The following EMILIN2 variants were observed in gnomAD, a reference collection of about 807,000 sequenced individuals.
EMILIN2 encodes elastin microfibril interfacer 2.
EMILIN2 carries 71 observed loss-of-function variants against 87.1 expected under a neutral mutation model. That is an observed-to-expected ratio of 0.82 (90% CI 0.67 to 0.99). EMILIN2 has a LOEUF of 0.99. Among genes scored for constraint, EMILIN2 ranks in the 50% least tolerant of loss-of-function variants. EMILIN2 has a pLI of 0.00. For synonymous variants in EMILIN2, 581 were observed against 563.4 expected (o/e 1.03, Z -0.44); for missense variants, 1,407 against 1,371.8 (o/e 1.03, Z -0.40).
Position 2,907,006 on chromosome 18 carries a change from G to T in EMILIN2, c.2583G>T (p.Gly861=). The T allele has an allele frequency of 7.4e-7, 1 of 1,354,830 alleles. No individual in the cohort carries two copies. Among genetic ancestry groups the T allele is most frequent in the Non-Finnish European group, 9.5e-7 (1 of 1,054,072 alleles). The allele number at this position is 1,354,830 out of a possible 1,614,324, so 83.9% of individuals were successfully genotyped here. The part of the protein sequence containing the change: ...AGPPAGAGVS[G]RGLPRGVDGQ... ...CCCCCGCAGGCGCAGGCGTGTCTGG[G>T]CGGGGTCTGCCGCGGGGCGTGGACG... Residue 861 remains glycine, a synonymous_variant, in exon 5 of 8, where the codon GGG becomes GGT. Coordinates refer to ENST00000254528, the MANE Select transcript of EMILIN2 (RefSeq NM_032048.3).
rs1370391687 is a variant in EMILIN2, at chr18:2,915,885, G to GA, written c.*2483dup. ...AAGGTCAGGACACTTCTTAAGTAGA[G>GA]AAGGACTGTGACATCCCCTCCAAAC... On this transcript the variant is annotated 3_prime_UTR_variant, in exon 8 of 8. Transcript: ENST00000254528. 6.6e-6 allele frequency: 1 copy of GA among 152,204 alleles called. No homozygotes were observed. Among genetic ancestry groups the GA allele is most frequent in the African/African-American group, 2.4e-5 (1 of 41,438 alleles). 9.4% of individuals were successfully genotyped at this position (152,204 alleles called of 1,614,324 possible).
chr18:2,913,075 A>T lies in EMILIN2; in HGVS notation c.2833A>T (p.Thr945Ser), dbSNP rs755756065. 8.7e-6 allele frequency: 14 copies of T among 1,609,292 alleles called. No homozygotes were observed. Among genetic ancestry groups the T allele is most frequent in the Non-Finnish European group, 1.2e-5 (14 of 1,179,956 alleles). The change falls in exon 8 of 8, where the codon ACG becomes TCG. Residue 945 changes from threonine to serine, a missense_variant. Physicochemically the swap from Thr to Ser is moderately conservative, Grantham distance 58. Transcript: ENST00000254528. ...TGCCTTTCTCCCCGCAGGGGTCTTC[A>T]CGGCTCCTTATGATGGGCGCTACCT... ...DVYNPSTGVF[T>S]APYDGRYLIT...
At chr18:2,854,661 C>A (rs1014091217) in intron 2 of EMILIN2, among the ~76,000 whole-genome samples, 4 of 152,176 alleles carry the variant, frequency 2.6e-5, no homozygotes, top group African/African-American at 7.2e-5. Flanking sequence ...GGGTATGGTG[C>A]TACGTGCCTG....
At position 2,891,586 on chromosome 18, in the gene EMILIN2, A is replaced by G. The variant is rs747464530; in HGVS notation, c.1459A>G (p.Lys487Glu). 1 of 1,613,934 alleles carries G rather than the reference A, an allele frequency of 6.2e-7. No individual in the cohort carries two copies. The highest frequency in any genetic ancestry group is 1.3e-5 in the African/African-American group (1 of 74,920). ...CATTAATGGAGAGGTGGGTGACTTG[A>G]AGCAGCTTGTTGATCAGAAAATACA... ...GAINGEVGDL[K>E]QLVDQKIQSL... The change falls in exon 4 of 8, where the codon AAG (lysine) becomes GAG (glutamate). Residue 487 changes from lysine (K) to glutamate (E), a missense_variant. Physicochemically the swap from Lys to Glu is moderately conservative, Grantham distance 56 (BLOSUM62 1). Transcript: ENST00000254528. The surrounding 1 kb of genome is among the most constrained non-coding windows in gnomAD (Gnocchi z 4.6).
At chr18:2,896,928 A>G (rs2076866619) in intron 4 of EMILIN2, among the ~76,000 whole-genome samples, 1 of 151,470 alleles carries the variant, frequency 6.6e-6, no homozygotes, top group African/African-American at 2.4e-5. Flanking sequence ...CTTGAGCCCA[A>G]GAGTTCGAGA....
In EMILIN2 at chr18:2,890,538, G is replaced by C; in HGVS notation, c.434-23G>C. On this transcript the variant is annotated intron_variant, in intron 3 of 7. Coordinates refer to ENST00000254528, the MANE Select transcript of EMILIN2 (RefSeq NM_032048.3). This position sits in a 1 kb window ranked among gnomAD's most constrained non-coding sequence, Gnocchi z 4.7. ...CTAAAGGTAGAAAATGTTCATTCAT[G>C]TCCAACTTTATCTTTGTAACAGATA... The C allele has an allele frequency of 6.5e-7, 1 of 1,527,360 alleles. No individual in the cohort carries two copies. Among genetic ancestry groups the C allele is most frequent in the Non-Finnish European group, 8.8e-7 (1 of 1,137,288 alleles). The allele number at this position is 1,527,360 out of a possible 1,614,324, so 94.6% of individuals were successfully genotyped here. A position where few individuals can be genotyped will look rare whatever the true frequency, so the allele number is the denominator to read the frequency against.
In EMILIN2 at chr18:2,892,576, G is replaced by GT. The variant is rs760374474; in HGVS notation, c.2359+92dup. ...TAATTTTTTGTTCATTTTTGATATT[G>GT]TTGAAACTTCATGAGGTAAAAATGT... On this transcript the variant is annotated intron_variant, in intron 4 of 7. Transcript: ENST00000254528. 344 of 1,475,336 alleles carry GT rather than the reference G, an allele frequency of 2.3e-4. 1 individual carries two copies. The highest frequency in any genetic ancestry group is 1.4e-3 in the Middle Eastern group (6 of 4,252). The allele number at this position is 1,475,336 out of a possible 1,614,324, so 91.4% of individuals were successfully genotyped here. A position where few individuals can be genotyped will look rare whatever the true frequency, so the allele number is the denominator to read the frequency against.
At chr18:2,896,091 A>T (rs1291046602) in intron 4 of EMILIN2, among the ~76,000 whole-genome samples, 1 of 152,170 alleles carries the variant, frequency 6.6e-6, no homozygotes, top group Non-Finnish European at 1.5e-5. Context: ...GCTTAAATAG[A>T]TCTAAGTCTC....
At chr18:2,869,786 T>TTGTGTGTG (rs777623155) in intron 2 of EMILIN2, among the ~76,000 whole-genome samples, 84 of 59,160 alleles carry the variant, frequency 1.4e-3, no homozygotes, top group African/African-American at 4.5e-3. Flanking sequence ...GTGTGTGTGT[T>TTGTGTGTG]TGTGTGTGTG....
Position 2,914,518 on chromosome 18 carries a change from T to C in EMILIN2, c.*1114T>C, listed in dbSNP as rs2076956952. 1 of 152,056 alleles carries C rather than the reference T, an allele frequency of 6.6e-6. No individual in the cohort carries two copies. The highest frequency in any genetic ancestry group is 1.5e-5 in the Non-Finnish European group (1 of 68,008). The allele number at this position is 152,056 out of a possible 1,614,324, so 9.4% of individuals were successfully genotyped here. On this transcript the variant is annotated 3_prime_UTR_variant, in exon 8 of 8. Coordinates refer to ENST00000254528, the MANE Select transcript of EMILIN2 (RefSeq NM_032048.3). ...CGGCATCTTCACACAGCGAGACGCC[T>C]CCACTGAGGGGAGGCCCGGGAGTAT...
At chr18:2,861,570 G>C (rs1270954190) in intron 2 of EMILIN2, among the ~76,000 whole-genome samples, 6 of 152,070 alleles carry the variant, frequency 3.9e-5, no homozygotes, top group African/African-American at 7.2e-5. Context: ...TCTGAGGGCT[G>C]TGTTCTGTTC....
intron 2 of EMILIN2, among the ~76,000 whole-genome samples, chr18:2,857,420 GT>G (rs1193267852): frequency 6.6e-6 from 1 of 152,138 alleles, no homozygotes; most frequent in Non-Finnish European, 1.5e-5. Context: ...ACTTGAAGTG[GT>G]TTCCCTACAT....
intron 4 of EMILIN2, 142 bp downstream of exon 4, chr18:2,892,628 GT>G: frequency 8.2e-7 from 1 of 1,218,916 alleles, no homozygotes; most frequent in East Asian, 2.5e-5. Flanking sequence ...ATTTTGGACA[GT>G]TCACGGAATG....
At chr18:2,878,215 T>C (rs192469531) in intron 2 of EMILIN2, among the ~76,000 whole-genome samples, 5 of 152,138 alleles carry the variant, frequency 3.3e-5, no homozygotes, top group African/African-American at 1.2e-4. Context: ...GGTGGCCGGG[T>C]GTGGTGGCTC....
rs1358808022 is a variant in EMILIN2, at chr18:2,894,467, T to C, written c.2359+1981T>C. 6.6e-6 allele frequency among the ~76,000 whole-genome samples: 1 copy of C among 152,138 alleles called. No homozygotes were observed. The highest frequency in any genetic ancestry group is 2.4e-5 in the African/African-American group (1 of 41,434). On this transcript the variant is annotated intron_variant, in intron 4 of 7. Coordinates refer to ENST00000254528, the MANE Select transcript of EMILIN2 (RefSeq NM_032048.3). This position sits in a 1 kb window ranked among gnomAD's most constrained non-coding sequence, Gnocchi z 5.0. The stretch of plus-strand genomic sequence containing the variant: ...ATGTTGAGTAGAGGTCACAAGACCA[T>C]GTATGTGTTCATAGAATGATTGTCC...
At chr18:2,895,215 G>A (rs1397568210) in intron 4 of EMILIN2, among the ~76,000 whole-genome samples, 1 of 152,012 alleles carries the variant, frequency 6.6e-6, no homozygotes, top group Non-Finnish European at 1.5e-5. Flanking sequence ...ACCCACAGTG[G>A]AAGTCAGGGA....
rs373628959 is a variant in EMILIN2 at position 2,859,716 on chromosome 18, G to A, written c.257+11785G>A. ...TTATAGTTTCAGGTCCTAGATTTAA[G>A]TCCTTGATCCATCTTGAGTTGATTT... On this transcript the variant is annotated intron_variant, in intron 2 of 7. Transcript: ENST00000254528. Among the ~76,000 whole-genome samples, 5 of 152,178 alleles carry A rather than the reference G, an allele frequency of 3.3e-5. No homozygotes were observed. In the East Asian group the frequency reaches 5.8e-4, roughly 18 times the overall value.
intron 4 of EMILIN2, among the ~76,000 whole-genome samples, chr18:2,901,323 G>A (rs914073516): frequency 6.6e-6 from 1 of 152,232 alleles, no homozygotes; most frequent in Non-Finnish European, 1.5e-5. Flanking sequence ...GGGCTTCCTG[G>A]AGACAGCAGG....
At chr18:2,877,324 C>T (rs932996133) in intron 2 of EMILIN2, among the ~76,000 whole-genome samples, 8 of 152,132 alleles carry the variant, frequency 5.3e-5, no homozygotes, top group African/African-American at 1.9e-4. Flanking sequence ...ACTTTATAGC[C>T]TCTACTGCCC....
Sources: allele counts gnomAD v4.1 joint callset (sites outside exome capture counted in the v4.1 genomes callset), GRCh38; gene constraint gnomAD v4.1.1; non-coding constraint Gnocchi (gnomAD v3.1); transcripts MANE v1.5; gene names NCBI Gene and HGNC (gene_info 2026-07-23, HGNC 2026-07-21).